Variants in SKIC3 observed in about 807,000 individuals in gnomAD.
SKIC3 encodes superkiller complex protein 3.
chr5:95,512,800 G>T, the SKIC3 span: 10 of 651,946 alleles, frequency 1.5e-5, no homozygotes, highest in Non-Finnish European at 2.3e-5. Context: ...AGAACATATT[G>T]AAATTATTTG....
chr5:95,530,319 T>C, the SKIC3 span: 8 of 1,460,040 alleles, frequency 5.5e-6, no homozygotes, highest in South Asian at 4.7e-5. Context: ...TCTGCCTTTA[T>C]ATTCTTATGC....
chr5:95,494,842 T>C, the SKIC3 span: 16 of 1,606,244 alleles, frequency 1.0e-5, no homozygotes, highest in Middle Eastern at 9.9e-4. Flanking sequence ...GCTCCCTCTC[T>C]TTCAAACTGA....
At chr5:95,507,093 T>C in the SKIC3 span, 1 of 1,321,622 alleles carries the variant, frequency 7.6e-7, no homozygotes, top group Non-Finnish European at 1.1e-6. Context: ...CCACAGATTT[T>C]TGTTCATTTA....
the SKIC3 span, among the ~76,000 whole-genome samples, chr5:95,537,890 A>G: frequency 6.6e-6 from 1 of 152,198 alleles, no homozygotes; most frequent in Non-Finnish European, 1.5e-5. Flanking sequence ...AGTATGGTAT[A>G]AAGTCTATGT....
chr5:95,494,928 A>G, the SKIC3 span: 4 of 1,608,146 alleles, frequency 2.5e-6, no homozygotes, highest in African/African-American at 4.0e-5. Context: ...ATTATTTAAT[A>G]AATTCAACAT....
the SKIC3 span, chr5:95,529,112 T>C: frequency 6.2e-7 from 1 of 1,612,350 alleles, no homozygotes; most frequent in Admixed American, 1.7e-5. Context: ...CCTAAAAGGA[T>C]AAAAACAATC....
At chr5:95,519,875 C>G in the SKIC3 span, among the ~76,000 whole-genome samples, 1 of 151,922 alleles carries the variant, frequency 6.6e-6, no homozygotes, top group Admixed American at 6.6e-5. Context: ...ATAAAGCATG[C>G]CCTTTACACA....
At chr5:95,495,563 T>C in the SKIC3 span, 1 of 153,452 alleles carries the variant, frequency 6.5e-6, no homozygotes, top group South Asian at 2.0e-4. Flanking sequence ...GCTGTTGAGA[T>C]TATAAAAATG....
the SKIC3 span, among the ~76,000 whole-genome samples, chr5:95,506,520 T>C: frequency 6.6e-6 from 1 of 152,216 alleles, no homozygotes; most frequent in South Asian, 2.1e-4. Context: ...GATATAGAGC[T>C]CATTCCCCAT....
chr5:95,477,692 AAC>A, the SKIC3 span, among the ~76,000 whole-genome samples: 15 of 152,188 alleles, frequency 9.9e-5, no homozygotes, highest in Admixed American at 3.9e-4. Flanking sequence ...CATATGCACA[AAC>A]ACACATGGTA....
At chr5:95,502,625 C>G in the SKIC3 span, among the ~76,000 whole-genome samples, 48 of 152,244 alleles carry the variant, frequency 3.2e-4, no homozygotes, top group East Asian at 9.1e-3. Context: ...ATCAGGTGAT[C>G]AGTTTCTCTT....
At chr5:95,469,393 T>C in the SKIC3 span, among the ~76,000 whole-genome samples, 2 of 152,206 alleles carry the variant, frequency 1.3e-5, no homozygotes, top group African/African-American at 4.8e-5. Context: ...CTTATAACAA[T>C]AGCAAGAACT....
the SKIC3 span, among the ~76,000 whole-genome samples, chr5:95,464,924 C>CTTT: frequency 3.9e-4 from 42 of 107,000 alleles, 2 homozygotes; most frequent in African/African-American, 6.8e-4. Flanking sequence ...ATTCTGATTG[C>CTTT]TTTTTTTTTT....
At chr5:95,524,496 T>G in the SKIC3 span, 1 of 1,613,634 alleles carries the variant, frequency 6.2e-7, no homozygotes, top group Non-Finnish European at 8.5e-7. Flanking sequence ...CTTTGTTTTA[T>G]CTTTTCTTGT....
chr5:95,543,117 C>A, the SKIC3 span: 1 of 1,578,768 alleles, frequency 6.3e-7, no homozygotes, highest in Non-Finnish European at 8.7e-7. Context: ...AATGTTGAAA[C>A]CTGTATTTTG....
chr5:95,468,451 G>T, the SKIC3 span, among the ~76,000 whole-genome samples: 30 of 152,272 alleles, frequency 2.0e-4, no homozygotes, highest in African/African-American at 7.0e-4. Context: ...TACAGGCTAT[G>T]TATATCATAT....
chr5:95,539,669 C>T, the SKIC3 span, among the ~76,000 whole-genome samples: 1 of 151,912 alleles, frequency 6.6e-6, no homozygotes, highest in Admixed American at 6.6e-5. Flanking sequence ...CATGGTGAAA[C>T]CCCATCTATA....
the SKIC3 span, chr5:95,541,868 A>C: frequency 6.2e-7 from 1 of 1,613,114 alleles, no homozygotes; most frequent in Non-Finnish European, 8.5e-7. Flanking sequence ...CATCCTTAGC[A>C]TTTATGTGAT....
chr5:95,473,020 C>T, the SKIC3 span, among the ~76,000 whole-genome samples: 3 of 151,894 alleles, frequency 2.0e-5, no homozygotes, highest in Non-Finnish European at 4.4e-5. Flanking sequence ...TATATGGCAC[C>T]GAGGTTGATT....
Sources: allele counts gnomAD v4.1 joint callset (sites outside exome capture counted in the v4.1 genomes callset), GRCh38; gene constraint gnomAD v4.1.1; transcripts MANE v1.5; gene names NCBI Gene and HGNC (gene_info 2026-07-23, HGNC 2026-07-21).